FILIP1L: variants seen among roughly 807,000 people sequenced by gnomAD.
FILIP1L encodes filamin A interacting protein 1 like, also known as filamin A-interacting protein 1-like.
In FILIP1L, 55 loss-of-function variants were observed where a neutral mutation model predicts 96.6. The ratio of observed to expected loss-of-function variants is 0.57; its 90% CI spans 0.46 to 0.71. The LOEUF (loss-of-function observed/expected upper bound fraction) is 0.71. FILIP1L is among the 30% of genes least tolerant of loss of function. The pLI, the probability that FILIP1L is intolerant of heterozygous loss-of-function variation, is 0.00. For synonymous variants in FILIP1L, 467 were observed against 473.9 expected (o/e 0.99, Z 0.19); for missense variants, 1,304 against 1,321.2 (o/e 0.99, Z 0.20).
At chr3:99,995,405 C>T (rs1391926823) in intron 1 of FILIP1L, among the ~76,000 whole-genome samples, 1 of 152,180 alleles carries the variant, frequency 6.6e-6, no homozygotes, top group African/African-American at 2.4e-5. Context: ...AGGGTACAGC[C>T]TCCCTCCCAG....
chr3:100,057,462 C>A (rs1324686995), intron 1 of FILIP1L, among the ~76,000 whole-genome samples: 4 of 152,212 alleles, frequency 2.6e-5, no homozygotes, highest in Non-Finnish European at 5.9e-5. Flanking sequence ...AGAGTTGCTG[C>A]GGTTTCTCCA....
chr3:100,048,442 C>T (rs1183411897), intron 1 of FILIP1L, among the ~76,000 whole-genome samples: 1 of 152,062 alleles, frequency 6.6e-6, no homozygotes, highest in Non-Finnish European at 1.5e-5. Context: ...CAGCTCTTCC[C>T]TGCAGCTGTG....
chr3:99,951,060 A>G (rs367568809), intron 1 of FILIP1L, among the ~76,000 whole-genome samples: 2 of 152,186 alleles, frequency 1.3e-5, no homozygotes, highest in African/African-American at 4.8e-5. Context: ...TTCTGCACCT[A>G]ACGTGCTGGC....
Position 99,905,884 on chromosome 3 carries a change from G to A in FILIP1L, c.605+18346C>T, listed in dbSNP as rs910337964. The stretch of plus-strand genomic sequence containing the variant: ...TAGTTGCTTCACTTCTTTAACATTT[G>A]GTAATATCTTTTTATTTAGCCTTTC... On this transcript the variant is annotated intron_variant, in intron 4 of 5. Transcript: ENST00000477258. Among the ~76,000 whole-genome samples the A allele has an allele frequency of 3.9e-5, 6 of 152,162 alleles. 1 individual carries two copies. The East Asian group carries it at 7.7e-4, about 20-fold the overall frequency.
chr3:99,966,053 A>G (rs1388441288), intron 1 of FILIP1L, among the ~76,000 whole-genome samples: 3 of 152,180 alleles, frequency 2.0e-5, no homozygotes, highest in Admixed American at 6.5e-5. Context: ...TGCTGAGGTT[A>G]ATAGGGGTAC....
intron 4 of FILIP1L, among the ~76,000 whole-genome samples, chr3:99,869,072 G>A (rs148833943): frequency 3.9e-5 from 6 of 152,308 alleles, no homozygotes; most frequent in African/African-American, 1.4e-4. Flanking sequence ...CTTAGGCTGA[G>A]TGGTACCTAA....
At chr3:99,866,876 G>A (rs1398096840) in intron 4 of FILIP1L, among the ~76,000 whole-genome samples, 1 of 152,066 alleles carries the variant, frequency 6.6e-6, no homozygotes, top group Non-Finnish European at 1.5e-5. Context: ...TTTTTCTTGT[G>A]GTCTGTGTTT....
intron 1 of FILIP1L, among the ~76,000 whole-genome samples, chr3:100,005,806 C>T (rs980093084): frequency 6.6e-6 from 1 of 152,050 alleles, no homozygotes; most frequent in African/African-American, 2.4e-5. Flanking sequence ...TATTATTGCC[C>T]AAGAGAGGAA....
intron 1 of FILIP1L, among the ~76,000 whole-genome samples, chr3:100,087,745 G>T (rs1217212961): frequency 5.3e-5 from 8 of 150,298 alleles, no homozygotes; most frequent in Non-Finnish European, 1.0e-4. Flanking sequence ...ATTGATCAGT[G>T]TTCTCTTGTG....
chr3:99,848,937 G>C lies in FILIP1L; in HGVS notation c.2739C>G (p.Asn913Lys). The C allele has an allele frequency of 6.2e-7, 1 of 1,614,198 alleles. No homozygotes were observed. The highest frequency in any genetic ancestry group is 8.5e-7 in the Non-Finnish European group (1 of 1,180,028). ...HIKVTPDHVQNTATLEITSPT... is the reference protein window; with the variant it reads ...HIKVTPDHVQKTATLEITSPT... ...GACTTGTGATTTCAAGAGTGGCTGT[G>C]TTTTGTACATGGTCTGGAGTAACCT... Residue 913 changes from asparagine to lysine, a missense_variant, in exon 5 of 6, where the codon AAC becomes AAG. Coordinates refer to ENST00000477258, the MANE Select transcript of FILIP1L (RefSeq NM_001387850.1).
chr3:99,864,653 C>A (rs1043936763), intron 4 of FILIP1L, among the ~76,000 whole-genome samples: 1 of 152,042 alleles, frequency 6.6e-6, no homozygotes, highest in Admixed American at 6.6e-5. Context: ...GCTTTCTGCT[C>A]CACCCACTTG....
At chr3:99,857,270 G>T (rs751236947) in intron 4 of FILIP1L, among the ~76,000 whole-genome samples, 1 of 152,172 alleles carries the variant, frequency 6.6e-6, no homozygotes, top group Non-Finnish European at 1.5e-5. Flanking sequence ...TGTTCTCCAA[G>T]AACATTATTT....
At chr3:100,065,842 A>C (rs2065654322) in intron 1 of FILIP1L, among the ~76,000 whole-genome samples, 1 of 152,246 alleles carries the variant, frequency 6.6e-6, no homozygotes, top group African/African-American at 2.4e-5. Flanking sequence ...GCCAGGTATC[A>C]TTTACCTAAT....
chr3:99,934,383 T>C (rs1192879644), intron 1 of FILIP1L, among the ~76,000 whole-genome samples: 2 of 152,224 alleles, frequency 1.3e-5, no homozygotes, highest in Admixed American at 1.3e-4. Flanking sequence ...ATATATTTGG[T>C]TCTTTACTTC....
At chr3:100,109,214 T>C (rs2066445352) in intron 1 of FILIP1L, among the ~76,000 whole-genome samples, 1 of 152,044 alleles carries the variant, frequency 6.6e-6, no homozygotes, top group Non-Finnish European at 1.5e-5. Context: ...TGTGTTTTAA[T>C]ATCCTAAAAA....
chr3:100,091,616 A>C (rs1170249300), intron 1 of FILIP1L, among the ~76,000 whole-genome samples: 2 of 152,204 alleles, frequency 1.3e-5, no homozygotes, highest in African/African-American at 4.8e-5. Context: ...ACAAAAGTAT[A>C]ACTAGCTTCT....
intron 1 of FILIP1L, among the ~76,000 whole-genome samples, chr3:99,982,178 A>G (rs928012252): frequency 3.9e-5 from 6 of 152,078 alleles, no homozygotes; most frequent in Admixed American, 2.0e-4. Flanking sequence ...GTATTTTAGT[A>G]TATGTTTTTT....
At chr3:100,091,298 A>G (rs940974225) in intron 1 of FILIP1L, among the ~76,000 whole-genome samples, 20 of 152,058 alleles carry the variant, frequency 1.3e-4, no homozygotes, top group Non-Finnish European at 2.2e-4. Flanking sequence ...AAAAAAAAAA[A>G]AAAAGAAAAA....
intron 4 of FILIP1L, among the ~76,000 whole-genome samples, chr3:99,874,645 ACTG>A (rs1183177967): frequency 6.6e-6 from 1 of 152,146 alleles, no homozygotes; most frequent in Non-Finnish European, 1.5e-5. Flanking sequence ...AAACAAAAAA[ACTG>A]CTATGAGGCA....
Sources: allele counts gnomAD v4.1 joint callset (sites outside exome capture counted in the v4.1 genomes callset), GRCh38; gene constraint gnomAD v4.1.1; transcripts MANE v1.5; gene names NCBI Gene and HGNC (gene_info 2026-07-23, HGNC 2026-07-21).